Variants in CYBA observed in about 807,000 individuals in gnomAD.
CYBA encodes cytochrome b-245 alpha chain.
Under a neutral mutation model 20.8 loss-of-function variants are expected in CYBA, and 21 were observed. The ratio of observed to expected loss-of-function variants is 1.01; its 90% CI spans 0.72 to 1.46. The LOEUF is 1.46. CYBA is among the 40% of genes most tolerant of loss of function. CYBA has a pLI of 0.00. For missense variants in CYBA, 344 were observed against 287.0 expected, an observed-to-expected ratio of 1.20 and a Z score of -1.43; for synonymous variants, 164 against 127.5, an observed-to-expected ratio of 1.29 and a Z score of -1.93.
intron 1 of CYBA, among the ~76,000 whole-genome samples, chr16:88,649,113 AT>A (rs1171204082): frequency 6.8e-6 from 1 of 146,218 alleles, no homozygotes; most frequent in Non-Finnish European, 1.5e-5. Context: ...AATTTTTTGT[AT>A]TTTTAGTAGA....
In CYBA at chr16:88,646,143, C is replaced by G; in HGVS notation, c.342G>C (p.Leu114=). Reference sequence around the variant, plus strand: ...GTAGGTAGATGCCGCTCGCAATGGCCAGGCAGGCGGTCCCAAGGATGGTGG... The same window carrying G: ...GTAGGTAGATGCCGCTCGCAATGGCGAGGCAGGCGGTCCCAAGGATGGTGG... ...LLATILGTAC[L]AIASGIYLLA... The change falls in exon 5 of 6, where the codon CTG becomes CTC. Residue 114 remains leucine (L), a synonymous_variant. Transcript: ENST00000261623. 6.4e-7 allele frequency: 1 copy of G among 1,558,954 alleles called. No homozygotes were observed. The highest frequency in any genetic ancestry group is 8.7e-7 in the Non-Finnish European group (1 of 1,153,226).
intron 1 of CYBA, among the ~76,000 whole-genome samples, chr16:88,649,063 G>A (rs1012766943): frequency 4.7e-5 from 7 of 150,258 alleles, no homozygotes; most frequent in Non-Finnish European, 1.0e-4. Flanking sequence ...TCAGCCTCCC[G>A]AGTAGCTGGG....
intron 5 of CYBA, among the ~76,000 whole-genome samples, chr16:88,644,207 C>T (rs1276973372): frequency 2.0e-5 from 3 of 152,324 alleles, no homozygotes; most frequent in South Asian, 4.1e-4. Flanking sequence ...ACATCATATA[C>T]GTCATGAACA....
intron 1 of CYBA, chr16:88,650,112 AG>A: frequency 3.0e-6 from 1 of 329,570 alleles, no homozygotes; most frequent in South Asian, 2.3e-5. Flanking sequence ...TCAGAGCCCC[AG>A]GGGAGTGGTG....
chr16:88,646,616 G>A (rs1165679419), intron 4 of CYBA, 139 bp downstream of exon 4: 3 of 789,356 alleles, frequency 3.8e-6, no homozygotes, highest in East Asian at 2.5e-5. Flanking sequence ...GCCAGAGCCA[G>A]GGACCCGAAT....
chr16:88,646,358 C>T, intron 4 of CYBA, 161 bp from the exon 5 acceptor site: 1 of 515,302 alleles, frequency 1.9e-6, no homozygotes, highest in Non-Finnish European at 3.3e-6. Context: ...TGGGTGTTCT[C>T]AGCCTTGATG....
rs546464267 is a variant in CYBA, at chr16:88,643,982, C to A, written c.370-411G>T. Among the ~76,000 whole-genome samples the A allele has an allele frequency of 1.3e-5, 2 of 152,128 alleles. No individual in the cohort carries two copies. Among genetic ancestry groups the A allele is most frequent in the Non-Finnish European group, 2.9e-5 (2 of 68,002 alleles). On this transcript the variant is annotated intron_variant, in intron 5 of 5. Coordinates refer to ENST00000261623, the MANE Select transcript of CYBA (RefSeq NM_000101.4). This position sits in a 1 kb window ranked among gnomAD's most constrained non-coding sequence, Gnocchi z 4.3. Reference sequence around the variant, plus strand: ...TGCTCCGTCTGGTGGGCGCCATTCACCCACGCTGGCCGGCAGCCCCCCAAG... The same window carrying A: ...TGCTCCGTCTGGTGGGCGCCATTCAACCACGCTGGCCGGCAGCCCCCCAAG...
At chr16:88,644,871 A>C (rs182425786) in intron 5 of CYBA, 6 of 456,888 alleles carry the variant, frequency 1.3e-5, no homozygotes, top group Non-Finnish European at 2.4e-5. Flanking sequence ...CAATAGAAAA[A>C]TGGGCAAAGG....
chr16:88,647,114 T>C lies in CYBA; in HGVS notation c.190A>G (p.Thr64Ala). 6.2e-7 allele frequency: 1 copy of C among 1,611,196 alleles called. No homozygotes were observed. The highest frequency in any genetic ancestry group is 8.5e-7 in the Non-Finnish European group (1 of 1,179,670). ...GAGGAGACTCACCAGCGCTCCATGGTGGAGCCCTTCTTCCTCTTCCCCCGG... is the reference window on the plus strand; with the variant it reads ...GAGGAGACTCACCAGCGCTCCATGGCGGAGCCCTTCTTCCTCTTCCCCCGG... ...YPRGKRKKGS[T>A]MERWGQKYMT... The change falls in exon 3 of 6, where the codon ACC becomes GCC. Residue 64 changes from threonine to alanine, a missense_variant. Physicochemically the swap from Thr to Ala is moderately conservative, Grantham distance 58. Coordinates refer to ENST00000261623, the MANE Select transcript of CYBA (RefSeq NM_000101.4).
Position 88,648,032 on chromosome 16 carries a change from G to T in CYBA, c.128+13C>A. ...GCGTTCCCCGCCCACCCCAGCCTCA[G>T]GTGGAAGGATACATGGAGTAGGCAC... On this transcript the variant is annotated intron_variant, in intron 2 of 5. Coordinates refer to ENST00000261623, the MANE Select transcript of CYBA (RefSeq NM_000101.4). 6.2e-7 allele frequency: 1 copy of T among 1,610,696 alleles called. No individual in the cohort carries two copies. Among genetic ancestry groups the T allele is most frequent in the South Asian group, 1.1e-5 (1 of 90,510 alleles).
At chr16:88,645,311 C>G in intron 5 of CYBA, 1 of 702,464 alleles carries the variant, frequency 1.4e-6, no homozygotes, top group Non-Finnish European at 2.6e-6. Context: ...TGAAACAGAA[C>G]TCCACTTCCA....
chr16:88,649,094 T>C (rs12051199), intron 1 of CYBA, among the ~76,000 whole-genome samples: 19,413 of 151,620 alleles, frequency 0.13, 1,333 homozygotes, highest in Middle Eastern at 0.27. Flanking sequence ...CCTGCCACCA[T>C]ACCCGGCTAA....
chr16:88,649,560 G>A (rs911088430), intron 1 of CYBA, among the ~76,000 whole-genome samples: 1 of 152,240 alleles, frequency 6.6e-6, no homozygotes, highest in African/African-American at 2.4e-5. Flanking sequence ...CGGGCCAGCT[G>A]CCTCCTGGGG....
rs1907156886 is a variant in CYBA, at chr16:88,643,455, C to G, written c.486G>C (p.Glu162Asp). 2 of 1,533,444 alleles carry G rather than the reference C, an allele frequency of 1.3e-6. No homozygotes were observed. The highest frequency in any genetic ancestry group is 1.7e-6 in the Non-Finnish European group (2 of 1,143,800). The allele number at this position is 1,533,444 out of a possible 1,614,324, so 95.0% of individuals were successfully genotyped here. Reference protein sequence around the residue: ...PSNPPPRPPAEARKKPSEEEA... With the variant: ...PSNPPPRPPADARKKPSEEEA... ...CCTCCTCGCTGGGCTTCTTGCGGGCCTCGGCCGGGGGCCGCGGCGGGGGGT... is the reference window on the plus strand; with the variant it reads ...CCTCCTCGCTGGGCTTCTTGCGGGCGTCGGCCGGGGGCCGCGGCGGGGGGT... The change falls in exon 6 of 6, where the codon GAG (glutamate) becomes GAC (aspartate). Residue 162 changes from glutamate to aspartate, a missense_variant. Physicochemically the swap from Glu to Asp is conservative, Grantham distance 45. Transcript: ENST00000261623. The surrounding 1 kb of genome is among the most constrained non-coding windows in gnomAD (Gnocchi z 4.3).
At chr16:88,650,595 G>A (rs1434981810) in intron 1 of CYBA, 1 of 512,254 alleles carries the variant, frequency 2.0e-6, no homozygotes, top group Admixed American at 2.4e-5. Context: ...TGCCCAGGCC[G>A]GAGCCCCCAC....
In CYBA at chr16:88,643,588, G is replaced by T. The variant is rs2142870187; in HGVS notation, c.370-17C>A. The T allele has an allele frequency of 6.5e-7, 1 of 1,530,474 alleles. No individual in the cohort carries two copies. Among genetic ancestry groups the T allele is most frequent in the Non-Finnish European group, 8.7e-7 (1 of 1,143,884 alleles). 94.8% of individuals were successfully genotyped at this position (1,530,474 alleles called of 1,614,324 possible). A position where few individuals can be genotyped will look rare whatever the true frequency, so the allele number is the denominator to read the frequency against. On this transcript the variant is annotated splice_polypyrimidine_tract_variant and intron_variant, in intron 5 of 5. Transcript: ENST00000261623. The surrounding 1 kb of genome is among the most constrained non-coding windows in gnomAD (Gnocchi z 4.3). ...CACAGCCGCCTGCGGGGCACTGAAG[G>T]GTTGAGCCGCGCCCCAGCGCCCGCC...
At chr16:88,648,721 A>C (rs1221593573) in intron 1 of CYBA, among the ~76,000 whole-genome samples, 4 of 148,310 alleles carry the variant, frequency 2.7e-5, no homozygotes, top group Non-Finnish European at 4.5e-5. Flanking sequence ...GGGTTCAAGC[A>C]ATTCTCCTGC....
rs933622945 is a variant in CYBA at position 88,643,684 on chromosome 16, C to T, written c.370-113G>A. ...CTGGGACAGGCTCAAGTCTGAATCC[C>T]ACGCAGGATGGTGTGACTGCCACTC... On this transcript the variant is annotated intron_variant, in intron 5 of 5. Transcript: ENST00000261623. This position sits in a 1 kb window ranked among gnomAD's most constrained non-coding sequence, Gnocchi z 4.3. 3.9e-6 allele frequency: 4 copies of T among 1,012,904 alleles called. No individual in the cohort carries two copies. Among genetic ancestry groups the T allele is most frequent in the Non-Finnish European group, 5.8e-6 (4 of 684,044 alleles). The allele number at this position is 1,012,904 out of a possible 1,614,324, so 62.7% of individuals were successfully genotyped here.
In CYBA at chr16:88,647,142, G is replaced by T; in HGVS notation, c.162C>A (p.Tyr54Ter). Residue 54 changes from tyrosine (Y) to a stop codon, truncating the protein, a stop_gained, in exon 3 of 6, where the codon TAC (tyrosine) becomes TAA (stop). Coordinates refer to ENST00000261623, the MANE Select transcript of CYBA (RefSeq NM_000101.4). LOFTEE classifies it high-confidence loss of function. ...VAGVFVCLLE[Y>*]PRGKRKKGST... ...AGCCCTTCTTCCTCTTCCCCCGGGG[G>T]TACTCCAGCAGGCACACAAACACGC... The T allele has an allele frequency of 6.2e-7, 1 of 1,611,164 alleles. No individual in the cohort carries two copies.
Sources: allele counts gnomAD v4.1 joint callset (sites outside exome capture counted in the v4.1 genomes callset), GRCh38; gene constraint gnomAD v4.1.1; non-coding constraint Gnocchi (gnomAD v3.1); transcripts MANE v1.5; gene names NCBI Gene and HGNC (gene_info 2026-07-23, HGNC 2026-07-21).